The following DIAPH2 variants were observed in gnomAD, a reference collection of about 807,000 sequenced individuals.
DIAPH2 encodes protein diaphanous homolog 2.
Under a neutral mutation model 92.7 loss-of-function variants are expected in DIAPH2, and 35 were observed. The observed-to-expected ratio is 0.38, with a 90% CI of 0.29 to 0.50. The LOEUF (loss-of-function observed/expected upper bound fraction) is 0.50, where lower values mean the gene tolerates loss of function less well. Among genes scored for constraint, DIAPH2 ranks in the 20% least tolerant of loss-of-function variants. The pLI, the probability that DIAPH2 is intolerant of heterozygous loss-of-function variation, is 0.94. For synonymous variants in DIAPH2, 301 were observed against 280.4 expected (o/e 1.07, Z -0.73); for missense variants, 701 against 819.5 (o/e 0.86, Z 1.77).
rs56151253 is a variant in DIAPH2, at chrX:97,185,357, G to GTGTGTA, written c.2719+43564_2719+43565insGTGTAT. Among the ~76,000 whole-genome samples, 27 of 19,615 alleles carry GTGTGTA rather than the reference G, an allele frequency of 1.4e-3. 3 individuals carry two copies. Among genetic ancestry groups the GTGTGTA allele is most frequent in the African/African-American group, 6.5e-3 (24 of 3,700 alleles). The allele number at this position is 19,615 out of a possible 115,157, so 17.0% of individuals were successfully genotyped here. A position where few individuals can be genotyped will look rare whatever the true frequency, so the allele number is the denominator to read the frequency against. The stretch of plus-strand genomic sequence containing the variant: ...TATATATATGTATATATATATGTGT[G>GTGTGTA]TATATATATATGTATATATATATGT... On this transcript the variant is annotated intron_variant, in intron 22 of 26. Transcript: ENST00000324765.
At chrX:96,787,686 C>CTTTTT (rs56998803) in intron 4 of DIAPH2, among the ~76,000 whole-genome samples, 6 of 54,731 alleles carry the variant, frequency 1.1e-4, no homozygotes, top group Non-Finnish European at 1.2e-4. Flanking sequence ...ACTCTTTTCT[C>CTTTTT]TTTTTTTTTT....
chrX:96,960,825 CA>C (rs771882694), intron 16 of DIAPH2, among the ~76,000 whole-genome samples: 1 of 112,210 alleles, frequency 8.9e-6, no homozygotes, highest in East Asian at 2.8e-4. Context: ...TACATTTTAT[CA>C]AATGCTTTTT....
chrX:96,765,056 C>A (rs1394875778), intron 4 of DIAPH2, among the ~76,000 whole-genome samples: 3 of 110,963 alleles, frequency 2.7e-5, no homozygotes, highest in Non-Finnish European at 3.8e-5. Flanking sequence ...AGTCTCTCAC[C>A]CACCCATGCA....
At chrX:97,268,601 T>C (rs2068357745) in intron 23 of DIAPH2, among the ~76,000 whole-genome samples, 1 of 112,379 alleles carries the variant, frequency 8.9e-6, no homozygotes, top group Non-Finnish European at 1.9e-5. Flanking sequence ...TGCTTAGTTC[T>C]ACCATTTATG....
chrX:97,410,949 G>A (rs1280660963), intron 25 of DIAPH2, among the ~76,000 whole-genome samples: 5 of 111,896 alleles, frequency 4.5e-5, no homozygotes, highest in East Asian at 2.8e-4. Flanking sequence ...TGAAAGTGAC[G>A]GGGAGAATGG....
At chrX:97,199,576 C>G (rs1197664203) in intron 22 of DIAPH2, among the ~76,000 whole-genome samples, 1 of 111,496 alleles carries the variant, frequency 9.0e-6, no homozygotes, top group East Asian at 2.8e-4. Flanking sequence ...CCGCAATGTT[C>G]TAGTTCTTGT....
intron 13 of DIAPH2, among the ~76,000 whole-genome samples, chrX:96,944,922 T>C (rs947971867): frequency 1.8e-5 from 2 of 111,312 alleles, no homozygotes; most frequent in African/African-American, 6.5e-5. Context: ...AGATACAGAA[T>C]AGAGTTTATA....
intron 26 of DIAPH2, among the ~76,000 whole-genome samples, chrX:97,570,371 G>A (rs1462288192): frequency 1.9e-5 from 2 of 105,734 alleles, no homozygotes; most frequent in African/African-American, 6.9e-5. Flanking sequence ...TCTATGATGA[G>A]AGATGAATGA....
chrX:97,266,059 CAT>C (rs1184144506), intron 23 of DIAPH2, among the ~76,000 whole-genome samples: 1 of 111,721 alleles, frequency 9.0e-6, no homozygotes, highest in African/African-American at 3.2e-5. Flanking sequence ...CAGTACAGAA[CAT>C]GTGTGTGTAT....
intron 23 of DIAPH2, among the ~76,000 whole-genome samples, chrX:97,308,016 A>G (rs1191489605): frequency 9.0e-6 from 1 of 110,640 alleles, no homozygotes. Flanking sequence ...TATGTTTGCC[A>G]TTTGGAGATC....
intron 3 of DIAPH2, among the ~76,000 whole-genome samples, chrX:96,745,211 G>A (rs1191615964): frequency 9.1e-6 from 1 of 110,238 alleles, no homozygotes; most frequent in Non-Finnish European, 1.9e-5. Context: ...TCTCCATGTT[G>A]GTAAGGCTGA....
intron 25 of DIAPH2, among the ~76,000 whole-genome samples, chrX:97,402,207 C>CAT (rs34282780): frequency 1.0e-5 from 1 of 99,842 alleles, no homozygotes; most frequent in African/African-American, 3.6e-5. Context: ...TCATTTGCAT[C>CAT]GTGTGTGTGT....
chrX:96,961,809 T>A (rs2065850669), intron 16 of DIAPH2, among the ~76,000 whole-genome samples: 2 of 110,677 alleles, frequency 1.8e-5, no homozygotes, highest in African/African-American at 3.3e-5. Flanking sequence ...GTTCTTTAAG[T>A]CTATGTACTT....
chrX:97,234,939 C>T (rs775044566), intron 22 of DIAPH2, among the ~76,000 whole-genome samples: 1 of 112,135 alleles, frequency 8.9e-6, no homozygotes, highest in African/African-American at 3.2e-5. Flanking sequence ...ACTTTCCTTT[C>T]CCTTGTTTCA....
chrX:97,552,504 A>G (rs1236390348), intron 26 of DIAPH2, among the ~76,000 whole-genome samples: 2 of 111,222 alleles, frequency 1.8e-5, no homozygotes, highest in Admixed American at 9.5e-5. Context: ...CTCAAAATTC[A>G]ACATTTAATT....
intron 5 of DIAPH2, among the ~76,000 whole-genome samples, chrX:96,894,427 A>G (rs2065329075): frequency 8.9e-6 from 1 of 111,855 alleles, no homozygotes; most frequent in African/African-American, 3.2e-5. Context: ...ATAAATTTCC[A>G]TATGTGAATT....
chrX:97,518,728 C>T (rs2070969459), intron 26 of DIAPH2, among the ~76,000 whole-genome samples: 1 of 110,862 alleles, frequency 9.0e-6, no homozygotes. Flanking sequence ...GGAAACTCCT[C>T]AATGAGAAAA....
intron 23 of DIAPH2, among the ~76,000 whole-genome samples, chrX:97,287,952 C>CAAAAAAAAAAAAAAAAAAAAAAA (rs748309881): frequency 2.5e-5 from 1 of 39,789 alleles, no homozygotes; most frequent in African/African-American, 1.1e-4. Flanking sequence ...GACTCTGTCT[C>CAAAAAAAAAAAAAAAAAAAAAAA]AAAAAAAAAA....
chrX:96,894,080 A>T (rs2065325757), intron 5 of DIAPH2, among the ~76,000 whole-genome samples: 1 of 85,437 alleles, frequency 1.2e-5, no homozygotes, highest in African/African-American at 3.4e-5. Flanking sequence ...AACATCTTCA[A>T]ATGAGACAGT....
Sources: allele counts gnomAD v4.1 joint callset (sites outside exome capture counted in the v4.1 genomes callset), GRCh38; gene constraint gnomAD v4.1.1; transcripts MANE v1.5; gene names NCBI Gene and HGNC (gene_info 2026-07-23, HGNC 2026-07-21).